Variants in USP49 observed in about 807,000 individuals in gnomAD.
USP49 encodes ubiquitin carboxyl-terminal hydrolase 49.
USP49 carries 24 observed loss-of-function variants against 58.6 expected under a neutral mutation model. The observed-to-expected ratio is 0.41, with a 90% CI of 0.30 to 0.58. The LOEUF (loss-of-function observed/expected upper bound fraction) is 0.58, where lower values mean the gene tolerates loss of function less well. USP49 is among the 20% of genes least tolerant of loss of function. The probability of loss-of-function intolerance (pLI) is 0.30; values close to 1 mark genes in which losing one functional copy is unlikely to be tolerated. For synonymous variants in USP49, 408 were observed against 365.1 expected, an observed-to-expected ratio of 1.12 and a Z score of -1.34; for missense variants, 703 against 866.1, an observed-to-expected ratio of 0.81 and a Z score of 2.36.
At chr6:41,824,120 C>A (rs935012260) in intron 3 of USP49, among the ~76,000 whole-genome samples, 3 of 152,180 alleles carry the variant, frequency 2.0e-5, no homozygotes, top group African/African-American at 7.2e-5. Context: ...CATCCCCAGG[C>A]CAGTTATTTT....
intron 3 of USP49, among the ~76,000 whole-genome samples, chr6:41,867,534 G>A (rs1774339725): frequency 6.7e-6 from 1 of 149,666 alleles, no homozygotes; most frequent in Admixed American, 6.7e-5. Context: ...ACGAGGTCAG[G>A]AGATTGAGAC....
At position 41,793,547 on chromosome 6, in the gene USP49, C is replaced by G. The variant is rs896660668; in HGVS notation, c.*2986G>C. 1 of 152,828 alleles carries G rather than the reference C, an allele frequency of 6.5e-6. No homozygotes were observed. The highest frequency in any genetic ancestry group is 1.5e-5 in the Non-Finnish European group (1 of 68,598). The allele number at this position is 152,828 out of a possible 1,614,324, so 9.5% of individuals were successfully genotyped here. ...GTGCTGGGATTACAGGCATGAGCCA[C>G]CGCGCCCAGCCTGGAAATTCTTTAC... On this transcript the variant is annotated 3_prime_UTR_variant, in exon 8 of 8. Coordinates refer to ENST00000682992, the MANE Select transcript of USP49 (RefSeq NM_001286554.2).
At chr6:41,844,793 T>G (rs1206309629) in intron 3 of USP49, among the ~76,000 whole-genome samples, 3 of 152,234 alleles carry the variant, frequency 2.0e-5, no homozygotes, top group African/African-American at 7.2e-5. Flanking sequence ...CCGCTGTATC[T>G]GTATAACTAC....
At position 41,799,844 on chromosome 6, in the gene USP49, G is replaced by A. The variant is rs753498705; in HGVS notation, c.1656C>T (p.His552=). The part of the protein sequence containing the change: ...IYRLPQVLRL[H]LKRFRWSGRN... ...AGCAAGCTCACCTGAATCTTTTAAGGTGCAGCCGGAGAACCTGAGGTAGTC... is the reference window on the plus strand; with the variant it reads ...AGCAAGCTCACCTGAATCTTTTAAGATGCAGCCGGAGAACCTGAGGTAGTC... The change falls in exon 6 of 8, where the codon CAC becomes CAT. Residue 552 remains histidine (H), a synonymous_variant. Coordinates refer to ENST00000682992, the MANE Select transcript of USP49 (RefSeq NM_001286554.2). The A allele has an allele frequency of 2.5e-6, 4 of 1,614,008 alleles. No homozygotes were observed. The highest frequency in any genetic ancestry group is 1.7e-4 in the Middle Eastern group (1 of 6,056).
intron 1 of USP49, among the ~76,000 whole-genome samples, chr6:41,892,760 A>G (rs568328695): frequency 6.6e-6 from 1 of 152,364 alleles, no homozygotes; most frequent in East Asian, 1.9e-4. Context: ...TTTGAAAAAA[A>G]AAGTATCTTT....
At chr6:41,846,874 A>G in intron 3 of USP49, among the ~76,000 whole-genome samples, 1 of 152,188 alleles carries the variant, frequency 6.6e-6, no homozygotes, top group Non-Finnish European at 1.5e-5. Flanking sequence ...TTTCTATCTC[A>G]TATGACTCAG....
Position 41,806,338 on chromosome 6 carries a change from G to T in USP49, c.646C>A (p.Pro216Thr). The T allele has an allele frequency of 6.5e-7, 1 of 1,530,330 alleles. No homozygotes were observed. The highest frequency in any genetic ancestry group is 8.7e-7 in the Non-Finnish European group (1 of 1,149,910). 94.8% of individuals were successfully genotyped at this position (1,530,330 alleles called of 1,614,324 possible). ...RKSARLLLHT[P>T]RDAGPAASRP... is the part of the protein sequence containing the mutation. Reference sequence around the variant, plus strand: ...GAGGCAGCCGGGCCCGCGTCGCGGGGCGTGTGCAGGAGCAGCCGTGCACTC... The same window carrying T: ...GAGGCAGCCGGGCCCGCGTCGCGGGTCGTGTGCAGGAGCAGCCGTGCACTC... The change falls in exon 4 of 8, where the codon CCC (proline) becomes ACC (threonine). Residue 216 changes from proline (P) to threonine (T), a missense_variant. By Grantham distance (38) the Pro-to-Thr change is conservative. Transcript: ENST00000682992. This position sits in a 1 kb window ranked among gnomAD's most constrained non-coding sequence, Gnocchi z 5.9.
At chr6:41,824,981 T>C (rs1773514434) in intron 3 of USP49, among the ~76,000 whole-genome samples, 1 of 152,192 alleles carries the variant, frequency 6.6e-6, no homozygotes, top group South Asian at 2.1e-4. Context: ...GGAACTCAAC[T>C]ATAGTGAGCA....
At chr6:41,835,002 G>A (rs938155812) in intron 3 of USP49, among the ~76,000 whole-genome samples, 8 of 152,068 alleles carry the variant, frequency 5.3e-5, no homozygotes, top group African/African-American at 1.4e-4. Context: ...GTGGAGAGAT[G>A]GTAATAAGGA....
At chr6:41,836,895 T>A (rs1470001994) in intron 3 of USP49, among the ~76,000 whole-genome samples, 2 of 151,694 alleles carry the variant, frequency 1.3e-5, no homozygotes, top group Non-Finnish European at 2.9e-5. Flanking sequence ...TACCTAGGAA[T>A]ACAGCTAATC....
chr6:41,886,334 A>G (rs964033421), intron 2 of USP49: 2 of 152,246 alleles, frequency 1.3e-5, no homozygotes, highest in Non-Finnish European at 2.9e-5. Flanking sequence ...ATGCTTACAT[A>G]AATGAGATGA....
In USP49 at chr6:41,806,346, A is replaced by G. The variant is rs1773127351; in HGVS notation, c.638T>C (p.Leu213Pro). The G allele has an allele frequency of 2.0e-6, 3 of 1,530,274 alleles. No homozygotes were observed. The highest frequency in any genetic ancestry group is 2.7e-5 in the African/African-American group (2 of 72,954). 94.8% of individuals were successfully genotyped at this position (1,530,274 alleles called of 1,614,324 possible). A position where few individuals can be genotyped will look rare whatever the true frequency, so the allele number is the denominator to read the frequency against. Residue 213 changes from leucine (L) to proline (P), a missense_variant, in exon 4 of 8, where the codon CTG becomes CCG. Leu to Pro is a moderately conservative substitution (Grantham distance 98). Transcript: ENST00000682992. The surrounding 1 kb of genome is among the most constrained non-coding windows in gnomAD (Gnocchi z 5.9). ...TPPRKSARLL[L>P]HTPRDAGPAA... ...CGGGCCCGCGTCGCGGGGCGTGTGC[A>G]GGAGCAGCCGTGCACTCTTGCGCGG...
At position 41,795,356 on chromosome 6, in the gene USP49, A is replaced by G. The variant is rs1412975023; in HGVS notation, c.*1177T>C. On this transcript the variant is annotated 3_prime_UTR_variant, in exon 8 of 8. Coordinates refer to ENST00000682992, the MANE Select transcript of USP49 (RefSeq NM_001286554.2). ...ATGTATTTTACTAGCACTGGGGGAA[A>G]GGACGGGGCACTCTTGTTTTTTTCT... The G allele has an allele frequency of 4.6e-5, 7 of 152,232 alleles. No homozygotes were observed. Among genetic ancestry groups the G allele is most frequent in the Non-Finnish European group, 1.5e-5 (1 of 68,060 alleles). The allele number at this position is 152,232 out of a possible 1,614,324, so 9.4% of individuals were successfully genotyped here.
chr6:41,853,796 A>G (rs1047791126), intron 3 of USP49, among the ~76,000 whole-genome samples: 1 of 151,740 alleles, frequency 6.6e-6, no homozygotes, highest in African/African-American at 2.4e-5. Context: ...TGGGAGTTCA[A>G]GACCAGCCTG....
intron 2 of USP49, among the ~76,000 whole-genome samples, chr6:41,881,275 T>C (rs967573745): frequency 9.2e-5 from 4 of 43,452 alleles, no homozygotes; most frequent in South Asian, 1.5e-3. Context: ...TTCAGAAATA[T>C]GGCATTAAAT....
intron 7 of USP49, chr6:41,798,446 G>T: frequency 1.4e-6 from 1 of 733,082 alleles, no homozygotes; most frequent in Non-Finnish European, 2.0e-6. Context: ...GCTAATTTTT[G>T]TACTATTTTA....
rs1234135318 is a variant in USP49, at chr6:41,886,168, T to G, written c.-103+5626A>C. On this transcript the variant is annotated intron_variant, in intron 2 of 7. Transcript: ENST00000682992. ...TTTAGATACAAGCATGCAATCAGTGTATAGCCATAAGCATCCAATTGATAT... is the reference window on the plus strand; with the variant it reads ...TTTAGATACAAGCATGCAATCAGTGGATAGCCATAAGCATCCAATTGATAT... Among the ~76,000 whole-genome samples the G allele has an allele frequency of 2.0e-5, 3 of 152,212 alleles. No homozygotes were observed. The East Asian group carries it at 5.8e-4, about 29-fold the overall frequency.
chr6:41,889,747 T>C (rs1438366701), intron 2 of USP49, among the ~76,000 whole-genome samples: 1 of 152,236 alleles, frequency 6.6e-6, no homozygotes, highest in African/African-American at 2.4e-5. Context: ...AACTAAACTT[T>C]TTGAAATACT....
chr6:41,890,367 G>A (rs1275768273), intron 2 of USP49, among the ~76,000 whole-genome samples: 3 of 128,008 alleles, frequency 2.3e-5, no homozygotes, highest in African/African-American at 8.4e-5. Context: ...CTACAGAGCA[G>A]TACTCCAACT....
Sources: gnomAD v4.1 joint callset for allele counts (sites outside exome capture counted in the v4.1 genomes callset) on GRCh38, gnomAD v4.1.1 for gene constraint, Gnocchi (gnomAD v3.1) non-coding constraint, MANE v1.5 for transcripts, NCBI Gene and HGNC (gene_info 2026-07-23, HGNC 2026-07-21) for gene names.